Variants in SOX6 observed in about 807,000 individuals in gnomAD.
SOX6 encodes SRY-box transcription factor 6.
SOX6 carries 11 observed loss-of-function variants against 97.8 expected under a neutral mutation model. That is an observed-to-expected ratio of 0.11 (90% CI 0.07 to 0.19). The LOEUF is 0.19. Among genes scored for constraint, SOX6 ranks in the 10% least tolerant of loss-of-function variants. The pLI, the probability that SOX6 is intolerant of heterozygous loss-of-function variation, is 1.00. For synonymous variants in SOX6, 360 were observed against 371.4 expected (o/e 0.97, Z 0.35); for missense variants, 810 against 1,039.5 (o/e 0.78, Z 3.04).
intron 4 of SOX6, among the ~76,000 whole-genome samples, chr11:16,495,826 C>A (rs191682371): frequency 2.6e-5 from 4 of 152,080 alleles, no homozygotes; most frequent in Non-Finnish European, 5.9e-5. Flanking sequence ...CACTCTAGGG[C>A]CCAAGAACAG....
At chr11:16,589,267 A>G (rs1354162738) in intron 4 of SOX6, among the ~76,000 whole-genome samples, 2 of 152,196 alleles carry the variant, frequency 1.3e-5, no homozygotes, top group East Asian at 3.9e-4. Context: ...TCCTAGGAGT[A>G]TACTACATAA....
Position 15,986,952 on chromosome 11 carries a change from C to A in SOX6, c.1967-532G>T, listed in dbSNP as rs538257024. On this transcript the variant is annotated intron_variant, in intron 14 of 15. Transcript: ENST00000683767. ...GGCCTAGGTAATTAAAAAACCTAAG[C>A]TCTACCTAAGAAGTTATAGCTTTAG... 3.3e-5 allele frequency among the ~76,000 whole-genome samples: 5 copies of A among 152,276 alleles called. 2 individuals carry two copies. In the South Asian group the frequency reaches 1.0e-3, roughly 32 times the overall value.
intron 1 of SOX6, chr11:16,434,161 AAAATGAAGTCAACTCTGCT>A (rs1293460781): frequency 1.3e-5 from 2 of 152,264 alleles, no homozygotes; most frequent in East Asian, 3.9e-4. Context: ...AAGGTAGCAT[AAAATGAAGTCAACTCTGCT>A]CTGACTGACT....
Position 16,496,247 on chromosome 11 carries a change from T to C in SOX6, n.610-19859A>G, listed in dbSNP as rs78823924. On this transcript the variant is annotated intron_variant and non_coding_transcript_variant, in intron 4 of 5. Transcript: ENST00000524520. ...ATATATTTCAATGAAAAAAAACTTA[T>C]GAAATCCCAGAAAAATAATTCAAAA... is the stretch of plus-strand genomic sequence containing the variant. 9.1e-3 allele frequency among the ~76,000 whole-genome samples: 1,375 copies of C among 151,300 alleles called. 8 individuals carry two copies. The highest frequency in any genetic ancestry group is 0.014 in the Non-Finnish European group (964 of 67,870).
intron 4 of SOX6, among the ~76,000 whole-genome samples, chr11:16,568,476 T>G (rs1031198391): frequency 1.3e-5 from 2 of 152,120 alleles, no homozygotes; most frequent in Non-Finnish European, 2.9e-5. Context: ...GAGTTTTCAT[T>G]TCAGGTGATG....
chr11:16,702,763 T>C (rs1480360895), intron 3 of SOX6, among the ~76,000 whole-genome samples: 4 of 152,106 alleles, frequency 2.6e-5, no homozygotes, highest in African/African-American at 9.7e-5. Flanking sequence ...CTGAAGGTGT[T>C]TGATGTCCCA....
At chr11:16,498,112 T>G (rs1028721401) in intron 4 of SOX6, among the ~76,000 whole-genome samples, 2 of 152,210 alleles carry the variant, frequency 1.3e-5, no homozygotes, top group South Asian at 2.1e-4. Context: ...GACTAACAGC[T>G]GATCTCTTGG....
At chr11:16,148,228 CT>C (rs1388296604) in intron 6 of SOX6, among the ~76,000 whole-genome samples, 1 of 152,044 alleles carries the variant, frequency 6.6e-6, no homozygotes, top group Non-Finnish European at 1.5e-5. Context: ...CACCCATAGC[CT>C]TTTTTTATTC....
intron 4 of SOX6, among the ~76,000 whole-genome samples, chr11:16,542,664 T>TATTAATTAATTA (rs1457613966): frequency 6.6e-6 from 1 of 152,120 alleles, no homozygotes; most frequent in African/African-American, 2.4e-5. Flanking sequence ...TAACTTGAAT[T>TATTAATTAATTA]ATTAATTAAA....
At chr11:16,296,473 C>A (rs1454608767) in intron 3 of SOX6, among the ~76,000 whole-genome samples, 1 of 152,052 alleles carries the variant, frequency 6.6e-6, no homozygotes, top group Non-Finnish European at 1.5e-5. Context: ...CAGCAATCAG[C>A]ACTGTTGACT....
intron 15 of SOX6, 27 bp from the exon 16 acceptor site, chr11:15,973,139 G>C (rs766629985): frequency 2.9e-5 from 46 of 1,610,366 alleles, no homozygotes; most frequent in Non-Finnish European, 3.7e-5. Context: ...AACAAAATCA[G>C]ACAAGGGAGA....
chr11:16,467,426 G>A (rs1210119698), intron 1 of SOX6, among the ~76,000 whole-genome samples: 1 of 152,132 alleles, frequency 6.6e-6, no homozygotes, highest in East Asian at 1.9e-4. Flanking sequence ...ATAAAATGTG[G>A]TACATACACA....
intron 4 of SOX6, among the ~76,000 whole-genome samples, chr11:16,523,606 A>G (rs907722184): frequency 5.9e-5 from 9 of 152,174 alleles, no homozygotes; most frequent in Non-Finnish European, 1.2e-4. Flanking sequence ...TTCAAAAGCT[A>G]GCAGAAGGCA....
chr11:16,637,777 G>A (rs1848812908), intron 3 of SOX6, among the ~76,000 whole-genome samples: 1 of 152,074 alleles, frequency 6.6e-6, no homozygotes, highest in Non-Finnish European at 1.5e-5. Context: ...ATTTCTCAAG[G>A]TCGCTTTGGT....
At chr11:16,384,235 A>G (rs1857910706) in intron 1 of SOX6, among the ~76,000 whole-genome samples, 1 of 151,830 alleles carries the variant, frequency 6.6e-6, no homozygotes, top group Non-Finnish European at 1.5e-5. Context: ...AGGAATCAGA[A>G]TATATAGTTA....
chr11:16,162,237 C>T (rs1465252386), intron 6 of SOX6, among the ~76,000 whole-genome samples: 1 of 152,114 alleles, frequency 6.6e-6, no homozygotes. Context: ...ATTAAGATAT[C>T]CATATAGGTC....
At chr11:16,321,974 T>C (rs1305890086) in intron 2 of SOX6, among the ~76,000 whole-genome samples, 2 of 151,984 alleles carry the variant, frequency 1.3e-5, no homozygotes, top group African/African-American at 2.4e-5. Context: ...AAACTTATAA[T>C]AGGTTACTGT....
chr11:16,219,527 C>T (rs748250838), intron 4 of SOX6, among the ~76,000 whole-genome samples: 9 of 151,956 alleles, frequency 5.9e-5, no homozygotes, highest in Admixed American at 2.6e-4. Context: ...CACAAGTAAA[C>T]GGAATAATTG....
chr11:16,442,021 C>T (rs983574479), intron 1 of SOX6, among the ~76,000 whole-genome samples: 1 of 152,218 alleles, frequency 6.6e-6, no homozygotes, highest in African/African-American at 2.4e-5. Flanking sequence ...TCCCAGGTCA[C>T]TGCATTATCA....
Sources: gnomAD v4.1 joint callset for allele counts (sites outside exome capture counted in the v4.1 genomes callset) on GRCh38, gnomAD v4.1.1 for gene constraint, MANE v1.5 for transcripts, NCBI Gene and HGNC (gene_info 2026-07-23, HGNC 2026-07-21) for gene names.